The following PACRG variants were observed in gnomAD, a reference collection of about 807,000 sequenced individuals.
PACRG encodes the protein parkin coregulated gene protein.
PACRG carries 29 observed loss-of-function variants against 29.7 expected under a neutral mutation model. The observed-to-expected ratio is 0.98, with a 90% CI of 0.73 to 1.33. The LOEUF is 1.33. Among genes scored for constraint, PACRG ranks in the 40% most tolerant of loss-of-function variants. The probability of loss-of-function intolerance (pLI) is 0.00; values close to 1 mark genes in which losing one functional copy is unlikely to be tolerated. For missense variants in PACRG, 279 were observed against 316.2 expected (o/e 0.88, Z 0.89); for synonymous variants, 116 against 118.7 (o/e 0.98, Z 0.15).
At chr6:163,249,886 A>C (rs1036669211) in intron 4 of PACRG, among the ~76,000 whole-genome samples, 1 of 152,206 alleles carries the variant, frequency 6.6e-6, no homozygotes, top group East Asian at 1.9e-4. Context: ...CTTTGTTCTC[A>C]AAAGGGAAGT....
intron 2 of PACRG, among the ~76,000 whole-genome samples, chr6:162,942,841 A>G (rs138819228): frequency 0.021 from 3,257 of 152,308 alleles, 94 homozygotes; most frequent in Admixed American, 0.084. Context: ...TGCCTCCTCC[A>G]CAAAGAAGAA....
intron 4 of PACRG, chr6:163,101,082 A>T (rs1479559627): frequency 1.0e-6 from 1 of 981,366 alleles, no homozygotes. Flanking sequence ...TCATACAATG[A>T]AATTAAAAAT....
chr6:162,884,105 C>T (rs1192145664), intron 2 of PACRG, among the ~76,000 whole-genome samples: 4 of 152,048 alleles, frequency 2.6e-5, no homozygotes, highest in Non-Finnish European at 5.9e-5. Context: ...CCTGCCACCA[C>T]ACCTGGCTAA....
intron 1 of PACRG, among the ~76,000 whole-genome samples, chr6:162,776,473 G>C (rs1308747709): frequency 6.6e-6 from 1 of 152,166 alleles, no homozygotes; most frequent in Admixed American, 6.5e-5. Context: ...CCTCAAAGCA[G>C]GGAGCAGAGC....
At chr6:163,005,247 A>T (rs1804960965) in intron 2 of PACRG, among the ~76,000 whole-genome samples, 1 of 151,890 alleles carries the variant, frequency 6.6e-6, no homozygotes, top group Admixed American at 6.6e-5. Flanking sequence ...TCAAAGAAAA[A>T]GTTTTAGGTT....
At chr6:162,894,938 A>C (rs1196923704) in intron 2 of PACRG, among the ~76,000 whole-genome samples, 1 of 152,214 alleles carries the variant, frequency 6.6e-6, no homozygotes, top group Non-Finnish European at 1.5e-5. Flanking sequence ...AGAACACTGA[A>C]GATTATAATG....
At chr6:162,736,969 A>T (rs977269470) in intron 1 of PACRG, among the ~76,000 whole-genome samples, 1 of 152,186 alleles carries the variant, frequency 6.6e-6, no homozygotes, top group African/African-American at 2.4e-5. Flanking sequence ...ATTTACTATT[A>T]GTGTATACAT....
intron 2 of PACRG, among the ~76,000 whole-genome samples, chr6:162,899,756 T>C (rs1414903854): frequency 6.6e-6 from 1 of 152,194 alleles, no homozygotes; most frequent in Non-Finnish European, 1.5e-5. Context: ...CGAGTAATAT[T>C]AAGATATTCA....
At chr6:162,859,103 T>C (rs1320380458) in intron 2 of PACRG, among the ~76,000 whole-genome samples, 1 of 152,278 alleles carries the variant, frequency 6.6e-6, no homozygotes, top group East Asian at 1.9e-4. Context: ...AATGATGACA[T>C]AGGAACTTAT....
At chr6:163,229,516 GCTTTGCTCC>G (rs1781939115) in intron 4 of PACRG, among the ~76,000 whole-genome samples, 1 of 152,214 alleles carries the variant, frequency 6.6e-6, no homozygotes, top group Admixed American at 6.5e-5. Flanking sequence ...TTGTCTGCAG[GCTTTGCTCC>G]AGTAATGGTT....
chr6:162,919,264 G>A (rs1796900805), intron 2 of PACRG, among the ~76,000 whole-genome samples: 1 of 152,156 alleles, frequency 6.6e-6, no homozygotes, highest in African/African-American at 2.4e-5. Flanking sequence ...TATTTTGTGG[G>A]TTTGTAGAGT....
At chr6:162,903,738 C>A (rs1795734214) in intron 2 of PACRG, among the ~76,000 whole-genome samples, 1 of 152,150 alleles carries the variant, frequency 6.6e-6, no homozygotes, top group African/African-American at 2.4e-5. Context: ...ATACTTATGA[C>A]TGTCTCTTAC....
intron 2 of PACRG, among the ~76,000 whole-genome samples, chr6:162,974,767 C>A (rs932444382): frequency 2.0e-5 from 3 of 152,126 alleles, no homozygotes; most frequent in Non-Finnish European, 2.9e-5. Context: ...ATATTATTAT[C>A]TCCACGTTAC....
intron 2 of PACRG, among the ~76,000 whole-genome samples, chr6:162,910,932 G>A (rs1796259049): frequency 6.6e-6 from 1 of 152,174 alleles, no homozygotes; most frequent in Admixed American, 6.5e-5. Context: ...TGGCTACAGT[G>A]ATTCTGAGGA....
intron 1 of PACRG, among the ~76,000 whole-genome samples, chr6:162,747,171 A>G (rs926865679): frequency 6.6e-6 from 1 of 151,094 alleles, no homozygotes; most frequent in African/African-American, 2.4e-5. Context: ...AGCTGCCAGC[A>G]CGGCTAGAAT....
At position 162,989,004 on chromosome 6, in the gene PACRG, G is replaced by A. The variant is rs187367284; in HGVS notation, c.292-73146G>A. ...TTCTCTAAGCATGTATTAGTTATGC[G>A]ACGAAAAAATTCAATATACTTTTTA... On this transcript the variant is annotated intron_variant, in intron 2 of 4. Coordinates refer to ENST00000366888, the MANE Select transcript of PACRG (RefSeq NM_001080379.2). Among the ~76,000 whole-genome samples, 243 of 151,998 alleles carry A rather than the reference G, an allele frequency of 1.6e-3. 1 individual carries two copies. The highest frequency in any genetic ancestry group is 5.5e-3 in the African/African-American group (227 of 41,474).
chr6:163,155,768 T>A (rs1417115952), intron 4 of PACRG, among the ~76,000 whole-genome samples: 6 of 152,226 alleles, frequency 3.9e-5, no homozygotes, highest in Non-Finnish European at 5.9e-5. Context: ...CTCTATCCTG[T>A]CCCAACCCCA....
intron 2 of PACRG, among the ~76,000 whole-genome samples, chr6:162,962,377 C>T (rs1800696722): frequency 6.6e-6 from 1 of 152,172 alleles, no homozygotes; most frequent in African/African-American, 2.4e-5. Flanking sequence ...TTGTTGACTC[C>T]ACTGTTTCCT....
chr6:163,136,430 T>C (rs1279708780), intron 4 of PACRG, among the ~76,000 whole-genome samples: 2 of 152,240 alleles, frequency 1.3e-5, no homozygotes, highest in Non-Finnish European at 2.9e-5. Context: ...GAATTATTTT[T>C]TGGAATTGCT....
Sources: allele counts gnomAD v4.1 joint callset (sites outside exome capture counted in the v4.1 genomes callset), GRCh38; gene constraint gnomAD v4.1.1; transcripts MANE v1.5; gene names NCBI Gene and HGNC (gene_info 2026-07-23, HGNC 2026-07-21).